The following OPRD1 variants were observed in gnomAD, a reference collection of about 807,000 sequenced individuals.
OPRD1 encodes delta-type opioid receptor.
A neutral mutation model predicts 17.5 loss-of-function variants in OPRD1; 19 were observed. The ratio of observed to expected loss-of-function variants is 1.09; its 90% CI spans 0.76 to 1.60. The LOEUF (loss-of-function observed/expected upper bound fraction) is 1.60. OPRD1 is among the 40% of genes most tolerant of loss of function. The pLI is 0.00. For missense variants in OPRD1, 483 were observed against 547.2 expected (o/e 0.88, Z 1.17); for synonymous variants, 256 against 240.9 (o/e 1.06, Z -0.58).
rs998953851 is a variant in OPRD1, at chr1:28,826,911, T to G, written c.227+14301T>G. Among the ~76,000 whole-genome samples the G allele has an allele frequency of 2.0e-5, 3 of 152,246 alleles. No homozygotes were observed. In the East Asian group the frequency reaches 5.8e-4, roughly 29 times the overall value. ...CCTCTCAAATCCTATTGCTGCTTTA[T>G]CAACTAAATTAATGTTATATTCTAA... On this transcript the variant is annotated intron_variant, in intron 1 of 2. Transcript: ENST00000234961.
chr1:28,858,900 T>A, intron 1 of OPRD1, 54 bp from the exon 2 acceptor site: 1 of 1,510,916 alleles, frequency 6.6e-7, no homozygotes, highest in East Asian at 2.3e-5. Context: ...TTGAGTTTCA[T>A]GTGAAACTGA....
Position 28,834,373 on chromosome 1 carries a change from CTTTTTTTCTTTTTT to C in OPRD1, c.227+21771_227+21784del, listed in dbSNP as rs1338187182. Among the ~76,000 whole-genome samples, 487 of 109,408 alleles carry C rather than the reference CTTTTTTTCTTTTTT, an allele frequency of 4.5e-3. 4 individuals are homozygous for C. The highest frequency in any genetic ancestry group is 0.017 in the African/African-American group (467 of 28,278). 71.8% of individuals were successfully genotyped at this position (109,408 alleles called of 152,430 possible). A position where few individuals can be genotyped will look rare whatever the true frequency, so the allele number is the denominator to read the frequency against. On this transcript the variant is annotated intron_variant, in intron 1 of 2. Coordinates refer to ENST00000234961, the MANE Select transcript of OPRD1 (RefSeq NM_000911.4). ...AGGAGGCATCACTAAGTATTTCTTT[CTTTTTTTCTTTTTT>C]TTTTTTTTTTTGAGATAGAGTCTTG... is the stretch of plus-strand genomic sequence containing the variant.
At chr1:28,846,242 C>T (rs536608011) in intron 1 of OPRD1, among the ~76,000 whole-genome samples, 2 of 152,310 alleles carry the variant, frequency 1.3e-5, no homozygotes, top group African/African-American at 4.8e-5. Context: ...CTCATCCTTC[C>T]AACCTGGCAG....
chr1:28,847,964 A>T (rs914174027), intron 1 of OPRD1, among the ~76,000 whole-genome samples: 1 of 151,914 alleles, frequency 6.6e-6, no homozygotes, highest in South Asian at 2.1e-4. Flanking sequence ...TGGAAAAAAA[A>T]TTTGCCAGGC....
At chr1:28,812,825 G>A (rs1569595495) in intron 1 of OPRD1, among the ~76,000 whole-genome samples, 1 of 152,336 alleles carries the variant, frequency 6.6e-6, no homozygotes, top group Non-Finnish European at 1.5e-5. Context: ...GCGGGGGGGG[G>A]AGTGCGCCGC....
At chr1:28,846,824 TC>T (rs1553150748) in intron 1 of OPRD1, among the ~76,000 whole-genome samples, 4 of 62,454 alleles carry the variant, frequency 6.4e-5, no homozygotes, top group Non-Finnish European at 1.3e-4. Context: ...GTTTGCATTT[TC>T]TTTCTTTCTT....
Position 28,859,089 on chromosome 1 carries a change from C to T in OPRD1, c.363C>T (p.Cys121=). 2 of 1,614,218 alleles carry T rather than the reference C, an allele frequency of 1.2e-6. No individual in the cohort carries two copies. The highest frequency in any genetic ancestry group is 1.7e-6 in the Non-Finnish European group (2 of 1,180,042). ...CGTGGCCCTTCGGCGAGCTGCTCTG[C>T]AAGGCTGTGCTCTCCATCGACTACT... The part of the protein sequence containing the change: ...METWPFGELL[C]KAVLSIDYYN... The change falls in exon 2 of 3, where the codon TGC becomes TGT. Residue 121 remains cysteine, a synonymous_variant. Transcript: ENST00000234961.
At chr1:28,848,030 T>C (rs1341078449) in intron 1 of OPRD1, among the ~76,000 whole-genome samples, 1 of 151,892 alleles carries the variant, frequency 6.6e-6, no homozygotes, top group Non-Finnish European at 1.5e-5. Context: ...AGGTGAATCA[T>C]GAGGTCAGGA....
rs2089166577 is a variant in OPRD1, at chr1:28,865,274, A to G, written c.*1991A>G. The G allele has an allele frequency of 6.6e-6, 1 of 152,268 alleles. No homozygotes were observed. Among genetic ancestry groups the G allele is most frequent in the Middle Eastern group, 3.1e-3 (1 of 324 alleles). The allele number at this position is 152,268 out of a possible 1,614,324, so 9.4% of individuals were successfully genotyped here. Reference sequence around the variant, plus strand: ...GACTCCCTATTGAAGCAGTGTGCTGACATCCTTGTAAAAACAAATTTAATT... The same window carrying G: ...GACTCCCTATTGAAGCAGTGTGCTGGCATCCTTGTAAAAACAAATTTAATT... On this transcript the variant is annotated 3_prime_UTR_variant, in exon 3 of 3. Coordinates refer to ENST00000234961, the MANE Select transcript of OPRD1 (RefSeq NM_000911.4).
Position 28,853,815 on chromosome 1 carries a change from C to T in OPRD1, c.228-5139C>T, listed in dbSNP as rs1259178082. On this transcript the variant is annotated intron_variant, in intron 1 of 2. Transcript: ENST00000234961. ...AGGCTGGAGTGCAGTGGCGCAATCTCACTGCAGCCTCTGCCTCCCGGGTTC... is the reference window on the plus strand; with the variant it reads ...AGGCTGGAGTGCAGTGGCGCAATCTTACTGCAGCCTCTGCCTCCCGGGTTC... Among the ~76,000 whole-genome samples the T allele has an allele frequency of 2.0e-5, 3 of 150,430 alleles. No homozygotes were observed. The Admixed American group carries it at 2.0e-4, about 10-fold the overall frequency.
intron 1 of OPRD1, among the ~76,000 whole-genome samples, chr1:28,825,934 C>T (rs532606171): frequency 6.6e-6 from 1 of 152,180 alleles, no homozygotes; most frequent in Admixed American, 6.5e-5. Context: ...GGTTGTCCCC[C>T]CTGAAGTACC....
At chr1:28,835,238 G>T (rs1279437745) in intron 1 of OPRD1, among the ~76,000 whole-genome samples, 1 of 152,188 alleles carries the variant, frequency 6.6e-6, no homozygotes, top group Non-Finnish European at 1.5e-5. Context: ...TAAGCCAGAA[G>T]CAGAGCCAGG....
Position 28,812,288 on chromosome 1 carries a change from C to A in OPRD1, c.-96C>A. 1.2e-6 allele frequency: 1 copy of A among 848,542 alleles called. No homozygotes were observed. Among genetic ancestry groups the A allele is most frequent in the East Asian group, 4.0e-5 (1 of 24,922 alleles). 52.6% of individuals were successfully genotyped at this position (848,542 alleles called of 1,614,324 possible). Reference sequence around the variant, plus strand: ...GCCGGGGCGCGGCAGCCGGCGGCGTCGGGGCCGCGGCCTCTGCCTTGCCGC... The same window carrying A: ...GCCGGGGCGCGGCAGCCGGCGGCGTAGGGGCCGCGGCCTCTGCCTTGCCGC... On this transcript the variant is annotated 5_prime_UTR_variant, in exon 1 of 3. Transcript: ENST00000234961.
chr1:28,845,487 A>G (rs1177933192), intron 1 of OPRD1, among the ~76,000 whole-genome samples: 1 of 152,040 alleles, frequency 6.6e-6, no homozygotes, highest in Admixed American at 6.6e-5. Context: ...TCAAAAAAAA[A>G]AAAAAAAATT....
intron 1 of OPRD1, among the ~76,000 whole-genome samples, chr1:28,822,643 G>T (rs953320752): frequency 1.6e-5 from 2 of 126,364 alleles, no homozygotes. Flanking sequence ...CACCATGCCC[G>T]GTTAATTTTT....
At chr1:28,846,818 G>T (rs1471990996) in intron 1 of OPRD1, among the ~76,000 whole-genome samples, 2 of 75,782 alleles carry the variant, frequency 2.6e-5, no homozygotes, top group East Asian at 5.0e-3. Flanking sequence ...GAGGCTGTTT[G>T]CATTTTCTTT....
intron 1 of OPRD1, among the ~76,000 whole-genome samples, chr1:28,838,744 G>T (rs188975421): frequency 9.5e-4 from 145 of 152,310 alleles, no homozygotes; most frequent in African/African-American, 3.1e-3. Context: ...CCATCACGAG[G>T]CAGGAAAGAT....
At position 28,812,379 on chromosome 1, in the gene OPRD1, C is replaced by T; in HGVS notation, c.-5C>T. ...AGAGGGACGCGGCGGAGCCGGCCGG[C>T]AGCCATGGAACCGGCCCCCTCCGCC... is the stretch of plus-strand genomic sequence containing the variant. On this transcript the variant is annotated 5_prime_UTR_variant, in exon 1 of 3. Coordinates refer to ENST00000234961, the MANE Select transcript of OPRD1 (RefSeq NM_000911.4). 9 of 1,381,908 alleles carry T rather than the reference C, an allele frequency of 6.5e-6. No homozygotes were observed. Among genetic ancestry groups the T allele is most frequent in the South Asian group, 1.6e-5 (1 of 61,556 alleles). 85.6% of individuals were successfully genotyped at this position (1,381,908 alleles called of 1,614,324 possible).
chr1:28,858,898 CA>C (rs2089083450), intron 1 of OPRD1, 55 bp from the exon 2 acceptor site: 3 of 1,516,064 alleles, frequency 2.0e-6, no homozygotes, highest in Non-Finnish European at 2.7e-6. Flanking sequence ...CCTTGAGTTT[CA>C]TGTGAAACTG....
Sources: gnomAD v4.1 joint callset for allele counts (sites outside exome capture counted in the v4.1 genomes callset) on GRCh38, gnomAD v4.1.1 for gene constraint, MANE v1.5 for transcripts, NCBI Gene and HGNC (gene_info 2026-07-23, HGNC 2026-07-21) for gene names.